RASEF: variants seen among roughly 807,000 people sequenced by gnomAD.
RASEF encodes the protein RAS and EF-hand domain containing, also known as ras and EF-hand domain-containing protein.
In RASEF, 68 loss-of-function variants were observed where a neutral mutation model predicts 90.1. The observed-to-expected ratio is 0.75, with a 90% CI of 0.62 to 0.92. The LOEUF (loss-of-function observed/expected upper bound fraction) is 0.92. Ranked by LOEUF, RASEF falls within the 40% of genes least tolerant of loss-of-function variation. The probability of loss-of-function intolerance (pLI) is 0.00; values close to 1 mark genes in which losing one functional copy is unlikely to be tolerated. For missense variants in RASEF, 949 were observed against 937.2 expected (o/e 1.01, Z -0.16); for synonymous variants, 331 against 345.2 (o/e 0.96, Z 0.46).
At chr9:83,015,080 G>C in intron 4 of RASEF, among the ~76,000 whole-genome samples, 1 of 152,174 alleles carries the variant, frequency 6.6e-6, no homozygotes, top group East Asian at 1.9e-4. Flanking sequence ...GGGTACCCTA[G>C]ATCTGGAATT....
chr9:83,066,929 C>G (rs1830286407), upstream of RASEF, among the ~76,000 whole-genome samples: 1 of 152,130 alleles, frequency 6.6e-6, no homozygotes, highest in Non-Finnish European at 1.5e-5. Flanking sequence ...TCAAAACATA[C>G]TTGAGGAGAC....
the RASEF span, among the ~76,000 whole-genome samples, chr9:83,093,360 G>A: frequency 8.5e-5 from 13 of 152,304 alleles, no homozygotes; most frequent in South Asian, 1.2e-3. Flanking sequence ...GGCACTTGTC[G>A]GGGAGGCTCG....
At chr9:83,187,548 T>A in the RASEF span, among the ~76,000 whole-genome samples, 1 of 152,148 alleles carries the variant, frequency 6.6e-6, no homozygotes, top group Admixed American at 6.5e-5. Flanking sequence ...TCCATGATGA[T>A]ATTAAGTCAA....
chr9:83,012,325 T>C (rs1829261104), intron 5 of RASEF, 109 bp downstream of exon 5: 1 of 527,222 alleles, frequency 1.9e-6, no homozygotes, highest in Non-Finnish European at 3.3e-6. Context: ...TTTTTCTAAC[T>C]ACAGTATTAA....
At chr9:83,116,273 G>A in the RASEF span, among the ~76,000 whole-genome samples, 2 of 152,138 alleles carry the variant, frequency 1.3e-5, no homozygotes, top group Non-Finnish European at 1.5e-5. Flanking sequence ...AATTTGATGA[G>A]GTCTTTATTG....
At position 83,062,757 on chromosome 9, in the gene RASEF, GCA is replaced by G. The variant is rs1564093073; in HGVS notation, c.109_110del (p.Cys37HisfsTer22). On this transcript the variant is annotated frameshift_variant, in exon 1 of 17. Transcript: ENST00000376447. LOFTEE classifies it high-confidence loss of function. ...RLEREEFRALCTELRVRPADA... is the reference protein window; with the variant it reads ...RLEREEFRALXTELRVRPADA... ...CGGCCGGCCGCACCCGCAGCTCCGT[GCA>G]CAGTGCCCGGAACTCCTCGCGCTCC... 6.4e-7 allele frequency: 1 copy of G among 1,567,152 alleles called. No homozygotes were observed. The highest frequency in any genetic ancestry group is 1.2e-5 in the South Asian group (1 of 86,602).
chr9:83,013,334 G>A (rs887398929), intron 4 of RASEF, among the ~76,000 whole-genome samples: 4 of 152,124 alleles, frequency 2.6e-5, no homozygotes, highest in East Asian at 3.9e-4. Context: ...CACATTTCAC[G>A]AAGTCTAAGT....
chr9:83,060,114 C>T (rs1830179193), intron 1 of RASEF, among the ~76,000 whole-genome samples: 3 of 152,166 alleles, frequency 2.0e-5, no homozygotes, highest in Admixed American at 2.0e-4. Flanking sequence ...TGGATGTGAA[C>T]ACTCCCCAGG....
the RASEF span, among the ~76,000 whole-genome samples, chr9:83,126,960 G>T: frequency 6.6e-6 from 1 of 152,134 alleles, no homozygotes; most frequent in Non-Finnish European, 1.5e-5. Flanking sequence ...TTATGCTCTG[G>T]ACTGCTTTAG....
At chr9:83,038,097 G>A (rs1829775633) in intron 1 of RASEF, among the ~76,000 whole-genome samples, 1 of 152,028 alleles carries the variant, frequency 6.6e-6, no homozygotes. Context: ...TAATTTTGAT[G>A]TATCTAAGTA....
intron 16 of RASEF, among the ~76,000 whole-genome samples, chr9:82,983,430 T>C (rs1828654387): frequency 6.6e-6 from 1 of 152,164 alleles, no homozygotes; most frequent in Non-Finnish European, 1.5e-5. Context: ...CTCTCCAAGA[T>C]CTTATGAAAA....
chr9:83,019,731 T>C (rs180901246), intron 3 of RASEF, among the ~76,000 whole-genome samples: 1 of 152,292 alleles, frequency 6.6e-6, no homozygotes, highest in East Asian at 1.9e-4. Context: ...CGTAATAGAA[T>C]ACTACTTGGC....
At chr9:83,183,782 T>C in the RASEF span, among the ~76,000 whole-genome samples, 1 of 152,226 alleles carries the variant, frequency 6.6e-6, no homozygotes, top group African/African-American at 2.4e-5. Flanking sequence ...GTTCGTCTCG[T>C]AAGAAATGCA....
the RASEF span, among the ~76,000 whole-genome samples, chr9:83,117,997 G>C: frequency 6.6e-6 from 1 of 152,128 alleles, no homozygotes; most frequent in Non-Finnish European, 1.5e-5. Flanking sequence ...CTTGTTAGTA[G>C]ATCACTTAAT....
chr9:83,094,510 C>T, the RASEF span, among the ~76,000 whole-genome samples: 5 of 152,080 alleles, frequency 3.3e-5, no homozygotes, highest in South Asian at 1.0e-3. Flanking sequence ...CTAGAGACTT[C>T]CTGGGAATTT....
the RASEF span, among the ~76,000 whole-genome samples, chr9:83,136,489 G>A: frequency 5.3e-5 from 8 of 151,940 alleles, no homozygotes; most frequent in East Asian, 1.9e-4. Flanking sequence ...TTATGCATGG[G>A]GGATTATTAG....
rs1828578477 is a variant in RASEF, at chr9:82,980,462, G to A, written c.*2215C>T. ...AAAGATGATTGGTTGACCATCAAAG[G>A]CACTGGTGTAATCTCATCAACGTGG... On this transcript the variant is annotated 3_prime_UTR_variant, in exon 17 of 17. Coordinates refer to ENST00000376447, the MANE Select transcript of RASEF (RefSeq NM_152573.4). 1.3e-5 allele frequency: 2 copies of A among 151,960 alleles called. No individual in the cohort carries two copies. Among genetic ancestry groups the A allele is most frequent in the Non-Finnish European group, 2.9e-5 (2 of 68,002 alleles). The allele number at this position is 151,960 out of a possible 1,614,324, so 9.4% of individuals were successfully genotyped here.
the RASEF span, among the ~76,000 whole-genome samples, chr9:83,123,189 C>G: frequency 7.0e-6 from 1 of 142,754 alleles, no homozygotes; most frequent in South Asian, 2.2e-4. Context: ...GCAGTGGGCC[C>G]AGATTGTGCC....
the RASEF span, among the ~76,000 whole-genome samples, chr9:83,143,874 T>C: frequency 6.6e-6 from 1 of 152,170 alleles, no homozygotes; most frequent in Non-Finnish European, 1.5e-5. Context: ...CATAGCCATA[T>C]TCACCATAGC....
Sources: gnomAD v4.1 joint callset for allele counts (sites outside exome capture counted in the v4.1 genomes callset) on GRCh38, gnomAD v4.1.1 for gene constraint, MANE v1.5 for transcripts, NCBI Gene and HGNC (gene_info 2026-07-23, HGNC 2026-07-21) for gene names.